Variants in DRC3 observed in about 807,000 individuals in gnomAD.
The protein encoded by DRC3 is leucine rich repeat containing 48.
A neutral mutation model predicts 57.6 loss-of-function variants in DRC3; 45 were observed. The observed-to-expected ratio is 0.78, with a 90% CI of 0.62 to 1.00. The LOEUF is 1.00. Among genes scored for constraint, DRC3 ranks in the 50% least tolerant of loss-of-function variants. The pLI, the probability that DRC3 is intolerant of heterozygous loss-of-function variation, is 0.00. For synonymous variants in DRC3, 257 were observed against 272.3 expected (o/e 0.94, Z 0.55); for missense variants, 655 against 675.2 (o/e 0.97, Z 0.33).
intron 12 of DRC3, among the ~76,000 whole-genome samples, chr17:18,012,134 C>A (rs922309656): frequency 1.3e-5 from 2 of 152,128 alleles, no homozygotes; most frequent in Admixed American, 6.5e-5. Context: ...GTGAATTAAG[C>A]CTGTTTAAAA....
rs529789455 is a variant in DRC3, at chr17:17,997,599, C to G, written c.964C>G (p.Arg322Gly). 2 of 1,610,092 alleles carry G rather than the reference C, an allele frequency of 1.2e-6. No individual in the cohort carries two copies. Among genetic ancestry groups the G allele is most frequent in the Admixed American group, 3.4e-5 (2 of 59,188 alleles). Residue 322 changes from arginine (R) to glycine (G), a missense_variant, in exon 9 of 14, where the codon CGC becomes GGC. Coordinates refer to ENST00000399187, the MANE Select transcript of DRC3 (RefSeq NM_031294.4). ...CCAGGAAAACCAGGAGCAGGGCAAA[C>G]GCAAGATTGCCAAATTCGAGGAGAA... The part of the protein sequence containing the change: ...AIQENQEQGK[R>G]KIAKFEEKHL...
At chr17:17,997,676 T>C (rs8071238) in intron 9 of DRC3, 42 bp downstream of exon 9, 594,315 of 1,516,898 alleles carry the variant, frequency 0.39, 128,034 homozygotes, top group East Asian at 0.87. Context: ...TCTCCTGCTG[T>C]AGGCCCTCCC....
chr17:18,001,754 G>A (rs1411296506), intron 9 of DRC3, among the ~76,000 whole-genome samples: 1 of 152,036 alleles, frequency 6.6e-6, no homozygotes, highest in African/African-American at 2.4e-5. Flanking sequence ...AACATAGTAA[G>A]ACCCCATCTT....
chr17:18,015,977 T>C, intron 12 of DRC3, 87 bp from the exon 13 acceptor site: 1 of 1,480,806 alleles, frequency 6.8e-7, no homozygotes, highest in South Asian at 1.2e-5. Context: ...GCCAGGGGAC[T>C]TCCAAATGCT....
At chr17:18,002,578 C>CAAAG (rs1158296868) in intron 9 of DRC3, among the ~76,000 whole-genome samples, 2 of 152,320 alleles carry the variant, frequency 1.3e-5, no homozygotes, top group East Asian at 3.9e-4. Context: ...TTCATCTCCT[C>CAAAG]AAAGACTGGA....
At chr17:17,993,005 C>G (rs764603922) in intron 6 of DRC3, 94 bp downstream of exon 6, 3 of 1,346,950 alleles carry the variant, frequency 2.2e-6, no homozygotes, top group South Asian at 2.6e-5. Flanking sequence ...GTAGCTTCCC[C>G]TGCCCACAAC....
chr17:17,976,025 A>G (rs1365751684), intron 2 of DRC3, among the ~76,000 whole-genome samples: 1 of 152,162 alleles, frequency 6.6e-6, no homozygotes. Flanking sequence ...AGCAGACACC[A>G]TCAGCCCTGC....
At position 17,974,597 on chromosome 17, in the gene DRC3, C is replaced by T. The variant is rs2042300422; in HGVS notation, c.-18+635C>T. 2.6e-5 allele frequency among the ~76,000 whole-genome samples: 4 copies of T among 152,160 alleles called. No individual in the cohort carries two copies. The South Asian group carries it at 8.3e-4, about 32-fold the overall frequency. Reference sequence around the variant, plus strand: ...CAGGGATTCTAGGATAATAACAAAACTCCCACAGACCTCTCCAAACTTGCA... The same window carrying T: ...CAGGGATTCTAGGATAATAACAAAATTCCCACAGACCTCTCCAAACTTGCA... On this transcript the variant is annotated intron_variant, in intron 2 of 13. Coordinates refer to ENST00000399187, the MANE Select transcript of DRC3 (RefSeq NM_031294.4).
chr17:18,001,275 G>C (rs1193060238), intron 9 of DRC3, among the ~76,000 whole-genome samples: 2 of 152,116 alleles, frequency 1.3e-5, no homozygotes. Flanking sequence ...AGGCCAAGGT[G>C]GGTGGATCAC....
rs189010542 is a variant in DRC3 at position 17,997,684 on chromosome 17, C to T, written c.999+50C>T. On this transcript the variant is annotated intron_variant, in intron 9 of 13. Transcript: ENST00000399187. Reference sequence around the variant, plus strand: ...CTCCCTGTCTCCTGCTGTAGGCCCTCCCTGCTCTTGCCACTCCCACTGTAG... The same window carrying T: ...CTCCCTGTCTCCTGCTGTAGGCCCTTCCTGCTCTTGCCACTCCCACTGTAG... The T allele has an allele frequency of 2.9e-4, 438 of 1,490,682 alleles. 1 individual carries two copies. The African/African-American group carries it at 4.5e-3, about 15-fold the overall frequency. The allele number at this position is 1,490,682 out of a possible 1,614,324, so 92.3% of individuals were successfully genotyped here. A position where few individuals can be genotyped will look rare whatever the true frequency, so the allele number is the denominator to read the frequency against.
At chr17:17,993,023 G>A in intron 6 of DRC3, 112 bp downstream of exon 6, 1 of 1,144,188 alleles carries the variant, frequency 8.7e-7, no homozygotes, top group Non-Finnish European at 1.3e-6. Flanking sequence ...AACTAGGAGA[G>A]AAAGGGCAGC....
At chr17:17,995,329 T>G (rs1475307139) in intron 8 of DRC3, among the ~76,000 whole-genome samples, 1 of 152,222 alleles carries the variant, frequency 6.6e-6, no homozygotes, top group Non-Finnish European at 1.5e-5. Context: ...ATGTGTAGTA[T>G]CTGGTCAGCA....
At chr17:17,991,284 CT>C (rs751138192) in intron 5 of DRC3, among the ~76,000 whole-genome samples, 798 of 73,948 alleles carry the variant, frequency 0.011, 1 homozygote, top group African/African-American at 0.041. Context: ...TGAAGTATTG[CT>C]TTTTTTTTTT....
At chr17:17,998,352 A>G (rs956219802) in intron 9 of DRC3, among the ~76,000 whole-genome samples, 23 of 152,242 alleles carry the variant, frequency 1.5e-4, no homozygotes, top group African/African-American at 5.3e-4. Context: ...GGTCCAGCCC[A>G]AGCAGGGGCC....
chr17:17,993,948 A>C, intron 6 of DRC3: 1 of 273,482 alleles, frequency 3.7e-6, no homozygotes, highest in Non-Finnish European at 7.2e-6. Context: ...GGCTGTTGGG[A>C]GTGAGAGAGC....
chr17:18,005,225 A>AT (rs2043904418), intron 10 of DRC3: 2 of 152,262 alleles, frequency 1.3e-5, no homozygotes, highest in South Asian at 4.1e-4. Flanking sequence ...GCCTTTCAAC[A>AT]TCCAAACATT....
At chr17:17,977,484 C>T in intron 2 of DRC3, 98 bp from the exon 3 acceptor site, 1 of 1,393,558 alleles carries the variant, frequency 7.2e-7, no homozygotes, top group Non-Finnish European at 1.0e-6. Context: ...CTCAGAGTGC[C>T]AGTGGCCACA....
intron 4 of DRC3, among the ~76,000 whole-genome samples, chr17:17,986,224 C>A (rs1371344715): frequency 6.6e-6 from 1 of 152,148 alleles, no homozygotes; most frequent in Admixed American, 6.5e-5. Context: ...AACCTCGATT[C>A]CTTTATGTGC....
At chr17:17,993,088 T>A in intron 6 of DRC3, 177 bp downstream of exon 6, 1 of 657,594 alleles carries the variant, frequency 1.5e-6, no homozygotes, top group Non-Finnish European at 2.5e-6. Context: ...AGCAGCACCC[T>A]TGTAAGTACT....
Sources: gnomAD v4.1 joint callset for allele counts (sites outside exome capture counted in the v4.1 genomes callset) on GRCh38, gnomAD v4.1.1 for gene constraint, MANE v1.5 for transcripts, NCBI Gene and HGNC (gene_info 2026-07-23, HGNC 2026-07-21) for gene names.